DYSF: variants seen among roughly 807,000 people sequenced by gnomAD.
DYSF encodes dysferlin, also known as dystrophy-associated fer-1-like 1.
Under a neutral mutation model 274.9 loss-of-function variants are expected in DYSF, and 212 were observed. That is an observed-to-expected ratio of 0.77 (90% CI 0.69 to 0.86). The LOEUF is 0.86. DYSF is among the 40% of genes least tolerant of loss of function. The pLI is 0.00. For missense variants in DYSF, 2,666 were observed against 2,783.2 expected (o/e 0.96, Z 0.95); for synonymous variants, 1,091 against 1,078.7 (o/e 1.01, Z -0.22).
At chr2:71,566,347 T>C (rs1289755481) in intron 24 of DYSF, among the ~76,000 whole-genome samples, 3 of 138,126 alleles carry the variant, frequency 2.2e-5, no homozygotes, top group Admixed American at 2.2e-4. Flanking sequence ...TTTCCCTGGT[T>C]TCAAGCAAAA....
chr2:71,539,942 G>A (rs1431120606), intron 17 of DYSF, among the ~76,000 whole-genome samples: 15 of 152,176 alleles, frequency 9.9e-5, no homozygotes, highest in Non-Finnish European at 1.5e-5. Flanking sequence ...CATGATCCAC[G>A]TTAACTAGTT....
chr2:71,588,068 A>G (rs2093131563), intron 30 of DYSF, among the ~76,000 whole-genome samples: 1 of 152,154 alleles, frequency 6.6e-6, no homozygotes, highest in Non-Finnish European at 1.5e-5. Context: ...GGGATGGTTG[A>G]CGGCACCTCT....
chr2:71,623,360 A>G lies in DYSF; in HGVS notation c.4527+2751A>G, dbSNP rs191817614. Among the ~76,000 whole-genome samples, 818 of 125,822 alleles carry G rather than the reference A, an allele frequency of 6.5e-3. 32 individuals are homozygous for G. In the Admixed American group the frequency reaches 0.073, roughly 11 times the overall value. 82.5% of individuals were successfully genotyped at this position (125,822 alleles called of 152,430 possible). ...CCCACAACAGTCCCCAGAGTGTGAT[A>G]TTCCCCTTCCTGTGTCCACGTGATC... On this transcript the variant is annotated intron_variant, in intron 41 of 55. Coordinates refer to ENST00000410020, the MANE Select transcript of DYSF (RefSeq NM_001130987.2).
At chr2:71,554,227 C>T (rs1230330424) in intron 21 of DYSF, among the ~76,000 whole-genome samples, 1 of 152,224 alleles carries the variant, frequency 6.6e-6, no homozygotes, top group Non-Finnish European at 1.5e-5. Context: ...CACGGCCTGG[C>T]TCTCGCTCGC....
At chr2:71,662,803 CTGTG>C (rs145472396) in intron 45 of DYSF, among the ~76,000 whole-genome samples, 1,876 of 143,832 alleles carry the variant, frequency 0.013, 29 homozygotes, top group African/African-American at 0.036. Context: ...GTCTGTGTGT[CTGTG>C]TGTGGTGTGT....
At chr2:71,656,045 CTCTT>C (rs2094761582) in intron 42 of DYSF, 113 bp from the exon 43 acceptor site, 3 of 1,321,986 alleles carry the variant, frequency 2.3e-6, no homozygotes, top group Admixed American at 3.4e-5. Context: ...TTCCTTCTCT[CTCTT>C]TATTCACTCT....
chr2:71,586,552 A>G (rs2093074343), intron 30 of DYSF, among the ~76,000 whole-genome samples: 2 of 152,050 alleles, frequency 1.3e-5, no homozygotes, highest in East Asian at 3.9e-4. Flanking sequence ...CCAGGGACTC[A>G]GTGAGGTCCA....
intron 1 of DYSF, 99 bp from the exon 2 acceptor site, chr2:71,480,784 C>A (rs573851778): frequency 2.7e-6 from 3 of 1,117,012 alleles, no homozygotes; most frequent in Non-Finnish European, 4.1e-6. Context: ...TTTCCCTTGG[C>A]GACCAAGCTG....
At chr2:71,499,747 C>A (rs993446178) in intron 3 of DYSF, among the ~76,000 whole-genome samples, 1 of 151,982 alleles carries the variant, frequency 6.6e-6, no homozygotes, top group African/African-American at 2.4e-5. Context: ...TCTTTCGGTC[C>A]CCACACTTCT....
At chr2:71,507,330 TCTC>T (rs2085588341) in intron 4 of DYSF, among the ~76,000 whole-genome samples, 1 of 152,194 alleles carries the variant, frequency 6.6e-6, no homozygotes, top group Admixed American at 6.5e-5. Context: ...TTTGCTTCAC[TCTC>T]CTCAGCTCAA....
intron 13 of DYSF, among the ~76,000 whole-genome samples, 177 bp downstream of exon 13, chr2:71,526,523 T>C (rs894411897): frequency 1.3e-5 from 2 of 152,222 alleles, no homozygotes; most frequent in African/African-American, 4.8e-5. Context: ...ATTCAAGAAC[T>C]CTTGAGAGTA....
intron 38 of DYSF, 52 bp from the exon 39 acceptor site, chr2:71,612,589 G>C: frequency 6.2e-7 from 1 of 1,606,688 alleles, no homozygotes; most frequent in Non-Finnish European, 8.5e-7. Flanking sequence ...GCTTGACCTG[G>C]AGACTTCCCA....
intron 10 of DYSF, among the ~76,000 whole-genome samples, chr2:71,519,008 G>A (rs144764818): frequency 0.03 from 4,233 of 140,078 alleles, 97 homozygotes; most frequent in Admixed American, 0.065. Flanking sequence ...CAGGAGAATC[G>A]CTTGAACCTG....
At chr2:71,541,632 T>C (rs1249523196) in intron 17 of DYSF, among the ~76,000 whole-genome samples, 2 of 152,028 alleles carry the variant, frequency 1.3e-5, no homozygotes, top group Admixed American at 6.5e-5. Flanking sequence ...TTATAGCTTC[T>C]TGTCTTTATT....
intron 41 of DYSF, among the ~76,000 whole-genome samples, chr2:71,636,863 T>C (rs1439483336): frequency 6.6e-6 from 1 of 152,000 alleles, no homozygotes; most frequent in Non-Finnish European, 1.5e-5. Context: ...GTGTGGCCGC[T>C]GAGGTGGGAG....
At chr2:71,642,328 A>G (rs747459519) in intron 41 of DYSF, among the ~76,000 whole-genome samples, 5 of 152,170 alleles carry the variant, frequency 3.3e-5, no homozygotes, top group Non-Finnish European at 7.3e-5. Context: ...GTGGGGGCAT[A>G]TGTGTGTTTT....
rs761715798 is a variant in DYSF at position 71,528,415 on chromosome 2, G to T, written c.1380+14G>T. The T allele has an allele frequency of 6.2e-7, 1 of 1,608,886 alleles. No individual in the cohort carries two copies. Among genetic ancestry groups the T allele is most frequent in the Non-Finnish European group, 8.5e-7 (1 of 1,175,746 alleles). On this transcript the variant is annotated intron_variant, in intron 14 of 55. Coordinates refer to ENST00000410020, the MANE Select transcript of DYSF (RefSeq NM_001130987.2). ...GCGGGGAAAATGGTAAGGAGCAAGG[G>T]AGCAGGAGGGTTCTCTCGGGAGGGG... is the stretch of plus-strand genomic sequence containing the variant.
chr2:71,680,994 C>A lies in DYSF; in HGVS notation c.6064-7C>A. On this transcript the variant is annotated splice_polypyrimidine_tract_variant and splice_region_variant and intron_variant, in intron 53 of 55. Transcript: ENST00000410020. ...TGCCCCTAACCAAGTGCTCTCTGTCCCCTCAGGGCAAGCTGGAAATGACCT... is the reference window on the plus strand; with the variant it reads ...TGCCCCTAACCAAGTGCTCTCTGTCACCTCAGGGCAAGCTGGAAATGACCT... 1 of 1,613,872 alleles carries A rather than the reference C, an allele frequency of 6.2e-7. No individual in the cohort carries two copies. The highest frequency in any genetic ancestry group is 1.3e-5 in the African/African-American group (1 of 75,060).
intron 23 of DYSF, among the ~76,000 whole-genome samples, chr2:71,563,313 G>T (rs764108740): frequency 6.6e-6 from 1 of 152,200 alleles, no homozygotes; most frequent in Non-Finnish European, 1.5e-5. Context: ...GTGAAGCGAC[G>T]CATGGGCATG....
Sources: gnomAD v4.1 joint callset for allele counts (sites outside exome capture counted in the v4.1 genomes callset) on GRCh38, gnomAD v4.1.1 for gene constraint, MANE v1.5 for transcripts, NCBI Gene and HGNC (gene_info 2026-07-23, HGNC 2026-07-21) for gene names.